Variants in PARN observed in about 807,000 individuals in gnomAD.
PARN encodes the protein poly(A)-specific ribonuclease PARN.
In PARN, 71 loss-of-function variants were observed where a neutral mutation model predicts 102.8. That is an observed-to-expected ratio of 0.69 (90% CI 0.57 to 0.84). The LOEUF (loss-of-function observed/expected upper bound fraction) is 0.84. PARN is among the 40% of genes least tolerant of loss of function. The pLI, the probability that PARN is intolerant of heterozygous loss-of-function variation, is 0.00. For synonymous variants in PARN, 261 were observed against 252.9 expected (o/e 1.03, Z -0.30); for missense variants, 782 against 760.9 (o/e 1.03, Z -0.33).
chr16:14,542,974 G>C (rs1184161061), intron 21 of PARN, among the ~76,000 whole-genome samples: 1 of 152,150 alleles, frequency 6.6e-6, no homozygotes, highest in Admixed American at 6.5e-5. Context: ...GACTCAATAA[G>C]TTCAGCCAAC....
chr16:14,530,600 T>C (rs1232567548), intron 21 of PARN, among the ~76,000 whole-genome samples: 1 of 152,076 alleles, frequency 6.6e-6, no homozygotes, highest in Non-Finnish European at 1.5e-5. Flanking sequence ...CTTCTTCCAT[T>C]TTATTAAAAA....
intron 23 of PARN, among the ~76,000 whole-genome samples, chr16:14,439,095 C>T (rs1428660643): frequency 1.3e-5 from 2 of 152,122 alleles, no homozygotes; most frequent in Admixed American, 1.3e-4. Context: ...AGATACTTGG[C>T]TGTGTGTGGT....
At chr16:14,626,304 G>T (rs973349385) in intron 5 of PARN, among the ~76,000 whole-genome samples, 1 of 152,112 alleles carries the variant, frequency 6.6e-6, no homozygotes, top group African/African-American at 2.4e-5. Context: ...CAAGTCTTTT[G>T]TTTATTTTAA....
At chr16:14,574,885 T>C (rs1220465851) in intron 18 of PARN, among the ~76,000 whole-genome samples, 1 of 152,016 alleles carries the variant, frequency 6.6e-6, no homozygotes, top group Non-Finnish European at 1.5e-5. Context: ...GAAAAAATGG[T>C]TTCACAGGCC....
intron 22 of PARN, among the ~76,000 whole-genome samples, chr16:14,479,308 G>C (rs1963252026): frequency 6.6e-6 from 1 of 151,888 alleles, no homozygotes; most frequent in Non-Finnish European, 1.5e-5. Context: ...TGTAGTCCCA[G>C]CTATTTGGGT....
chr16:14,496,226 T>C (rs1319900794), intron 21 of PARN, among the ~76,000 whole-genome samples: 2 of 152,322 alleles, frequency 1.3e-5, no homozygotes, highest in South Asian at 2.1e-4. Context: ...ATGCTTCTGA[T>C]GACAACTTTA....
intron 12 of PARN, among the ~76,000 whole-genome samples, chr16:14,597,709 A>C (rs1286318538): frequency 5.9e-5 from 9 of 152,204 alleles, no homozygotes; most frequent in African/African-American, 2.2e-4. Context: ...AAAAAAAAAA[A>C]AAATTGATCG....
chr16:14,486,873 G>T (rs1401398613), intron 21 of PARN, among the ~76,000 whole-genome samples: 1 of 152,252 alleles, frequency 6.6e-6, no homozygotes, highest in African/African-American at 2.4e-5. Context: ...ATTTGTCAGG[G>T]AAATGATTCA....
intron 23 of PARN, among the ~76,000 whole-genome samples, chr16:14,440,537 C>T (rs543172288): frequency 6.6e-6 from 1 of 152,270 alleles, no homozygotes; most frequent in South Asian, 2.1e-4. Flanking sequence ...TTAATTCATA[C>T]AAAAAACCTG....
intron 21 of PARN, among the ~76,000 whole-genome samples, chr16:14,535,829 CAG>C (rs1966583771): frequency 6.6e-6 from 1 of 152,082 alleles, no homozygotes. Context: ...ATAGGAAAAA[CAG>C]AGTACATACA....
At chr16:14,600,210 G>A (rs1033517006) in intron 11 of PARN, among the ~76,000 whole-genome samples, 13 of 152,066 alleles carry the variant, frequency 8.5e-5, no homozygotes, top group African/African-American at 3.1e-4. Context: ...ACAATGCTTA[G>A]GGTTTATCCA....
At chr16:14,615,606 A>T in intron 6 of PARN, among the ~76,000 whole-genome samples, 1 of 152,170 alleles carries the variant, frequency 6.6e-6, no homozygotes, top group Non-Finnish European at 1.5e-5. Context: ...TGAAACAATT[A>T]AAAAACAATA....
At chr16:14,483,447 G>C (rs1272250450) in intron 21 of PARN, among the ~76,000 whole-genome samples, 2 of 152,222 alleles carry the variant, frequency 1.3e-5, no homozygotes, top group African/African-American at 2.4e-5. Context: ...GCAGGGATAA[G>C]ATGCAAAACC....
chr16:14,604,487 C>A (rs770867065), intron 10 of PARN, among the ~76,000 whole-genome samples: 1 of 152,066 alleles, frequency 6.6e-6, no homozygotes, highest in Non-Finnish European at 1.5e-5. Context: ...TCTCAAACTC[C>A]CCACCTCAGG....
intron 21 of PARN, among the ~76,000 whole-genome samples, chr16:14,509,108 G>A (rs1406335779): frequency 2.0e-5 from 3 of 151,952 alleles, no homozygotes; most frequent in Non-Finnish European, 4.4e-5. Context: ...ACGCCCCTTT[G>A]CAATGAGAAA....
At chr16:14,592,916 T>G (rs1299891772) in intron 13 of PARN, among the ~76,000 whole-genome samples, 2 of 152,134 alleles carry the variant, frequency 1.3e-5, no homozygotes, top group Admixed American at 6.5e-5. Flanking sequence ...GGCAGGCGGA[T>G]CACGAGGTCA....
At chr16:14,620,582 T>C (rs1159934570) in intron 5 of PARN, among the ~76,000 whole-genome samples, 4 of 152,196 alleles carry the variant, frequency 2.6e-5, no homozygotes, top group Non-Finnish European at 4.4e-5. Flanking sequence ...GCACTGTACT[T>C]TGACATTATG....
chr16:14,459,011 G>C (rs542260396), intron 22 of PARN, among the ~76,000 whole-genome samples: 2 of 151,290 alleles, frequency 1.3e-5, no homozygotes, highest in East Asian at 3.9e-4. Context: ...CCCCCAAGCT[G>C]AAAATCAGAG....
chr16:14,510,147 G>A (rs756888273), intron 21 of PARN, among the ~76,000 whole-genome samples: 15 of 152,282 alleles, frequency 9.9e-5, no homozygotes, highest in Non-Finnish European at 1.9e-4. Flanking sequence ...TTTGCAGCCC[G>A]AGACTCTCCT....
Sources: gnomAD v4.1 joint callset for allele counts (sites outside exome capture counted in the v4.1 genomes callset) on GRCh38, gnomAD v4.1.1 for gene constraint, MANE v1.5 for transcripts, NCBI Gene and HGNC (gene_info 2026-07-23, HGNC 2026-07-21) for gene names.